The following RPS6KC1 variants were observed in gnomAD, a reference collection of about 807,000 sequenced individuals.
RPS6KC1 encodes inactive ribosomal protein S6 kinase delta-1.
Under a neutral mutation model 103.8 loss-of-function variants are expected in RPS6KC1, and 54 were observed. That is an observed-to-expected ratio of 0.52 (90% CI 0.42 to 0.65). The LOEUF (loss-of-function observed/expected upper bound fraction) is 0.65, where lower values mean the gene tolerates loss of function less well. Among genes scored for constraint, RPS6KC1 ranks in the 30% least tolerant of loss-of-function variants. RPS6KC1 has a pLI of 0.00. For missense variants in RPS6KC1, 1,151 were observed against 1,253.8 expected (o/e 0.92, Z 1.24); for synonymous variants, 439 against 438.7 (o/e 1.00, Z -0.01).
At chr1:213,560,747 C>T in the RPS6KC1 span, among the ~76,000 whole-genome samples, 1 of 152,120 alleles carries the variant, frequency 6.6e-6, no homozygotes, top group Non-Finnish European at 1.5e-5. Flanking sequence ...TGTAACTCCC[C>T]CCCACCAAAT....
At chr1:213,334,479 G>A in the RPS6KC1 span, among the ~76,000 whole-genome samples, 1 of 152,196 alleles carries the variant, frequency 6.6e-6, no homozygotes. Context: ...CAGCAACTCA[G>A]CTTTTCCTTA....
intron 12 of RPS6KC1, among the ~76,000 whole-genome samples, chr1:213,260,590 A>G (rs930782793): frequency 4.6e-5 from 7 of 151,980 alleles, no homozygotes; most frequent in Non-Finnish European, 7.4e-5. Context: ...CAACCTAACT[A>G]CTTATAAACT....
chr1:213,088,304 C>T lies in RPS6KC1; in HGVS notation c.262+10488C>T, dbSNP rs1261923688. Among the ~76,000 whole-genome samples the T allele has an allele frequency of 2.6e-5, 4 of 152,160 alleles. No individual in the cohort carries two copies. The East Asian group carries it at 7.7e-4, about 29-fold the overall frequency. On this transcript the variant is annotated intron_variant, in intron 3 of 14. Coordinates refer to ENST00000366960, the MANE Select transcript of RPS6KC1 (RefSeq NM_012424.6). ...TGTTCCTTCTTTGGGTATTCTCCCT[C>T]ACCCTAGGATATTCTTCAGAGTTCT...
intron 8 of RPS6KC1, among the ~76,000 whole-genome samples, chr1:213,206,142 T>C (rs894170617): frequency 2.6e-5 from 4 of 152,234 alleles, no homozygotes; most frequent in African/African-American, 9.6e-5. Flanking sequence ...AAGCACGGTT[T>C]CCTAACATTT....
At chr1:213,490,621 T>C in the RPS6KC1 span, among the ~76,000 whole-genome samples, 1 of 152,290 alleles carries the variant, frequency 6.6e-6, no homozygotes, top group East Asian at 1.9e-4. Flanking sequence ...AGGGGAGATG[T>C]GTTGGCTGTT....
At chr1:213,195,653 A>G (rs1179870827) in intron 8 of RPS6KC1, among the ~76,000 whole-genome samples, 1 of 152,054 alleles carries the variant, frequency 6.6e-6, no homozygotes, top group Non-Finnish European at 1.5e-5. Context: ...ATTATATCAT[A>G]CTTATACTGT....
chr1:213,562,475 C>T, the RPS6KC1 span, among the ~76,000 whole-genome samples: 98 of 145,768 alleles, frequency 6.7e-4, 2 homozygotes, highest in East Asian at 0.017. Context: ...CTGCAAGCTC[C>T]GCCTCCCGGG....
chr1:213,439,882 A>C, the RPS6KC1 span, among the ~76,000 whole-genome samples: 8 of 151,866 alleles, frequency 5.3e-5, no homozygotes, highest in South Asian at 6.2e-4. Flanking sequence ...AGAGAGAGAG[A>C]GCGAAAAGAT....
At chr1:213,572,531 A>G in the RPS6KC1 span, among the ~76,000 whole-genome samples, 2 of 152,220 alleles carry the variant, frequency 1.3e-5, no homozygotes, top group Non-Finnish European at 2.9e-5. Context: ...AATGAAACAC[A>G]TTTTAAAGTT....
the RPS6KC1 span, among the ~76,000 whole-genome samples, chr1:213,490,675 C>G: frequency 2.0e-5 from 3 of 152,150 alleles, no homozygotes; most frequent in African/African-American, 7.2e-5. Flanking sequence ...GGCTAGGATG[C>G]GTAGTTCAAG....
At chr1:213,058,776 A>G (rs1009857612) in intron 1 of RPS6KC1, among the ~76,000 whole-genome samples, 4 of 151,664 alleles carry the variant, frequency 2.6e-5, no homozygotes, top group African/African-American at 9.7e-5. Context: ...GAATCAGTTT[A>G]TCTATAGCTA....
chr1:213,193,563 CTTT>C (rs893122855), intron 8 of RPS6KC1, among the ~76,000 whole-genome samples: 4 of 151,724 alleles, frequency 2.6e-5, no homozygotes, highest in African/African-American at 9.7e-5. Context: ...TGCCTGGCCT[CTTT>C]GTTGATTTTC....
At chr1:213,078,362 T>G (rs991226181) in intron 3 of RPS6KC1, among the ~76,000 whole-genome samples, 1 of 152,018 alleles carries the variant, frequency 6.6e-6, no homozygotes, top group African/African-American at 2.4e-5. Context: ...GTATAGAATA[T>G]TCATGTTTTT....
chr1:213,717,255 A>G, the RPS6KC1 span, among the ~76,000 whole-genome samples: 49 of 152,356 alleles, frequency 3.2e-4, no homozygotes, highest in Non-Finnish European at 3.8e-4. Flanking sequence ...CGCATAATGG[A>G]ACCACATGGT....
chr1:213,507,349 A>C, the RPS6KC1 span, among the ~76,000 whole-genome samples: 1 of 152,086 alleles, frequency 6.6e-6, no homozygotes, highest in African/African-American at 2.4e-5. Context: ...GGGGGGCTGA[A>C]ATAGAGAGAC....
At chr1:213,556,150 G>A in the RPS6KC1 span, among the ~76,000 whole-genome samples, 2 of 152,240 alleles carry the variant, frequency 1.3e-5, no homozygotes, top group South Asian at 4.1e-4. Context: ...TAAATATTTT[G>A]TCCTTAGCCA....
the RPS6KC1 span, among the ~76,000 whole-genome samples, chr1:213,767,715 C>T: frequency 6.6e-6 from 1 of 152,134 alleles, no homozygotes; most frequent in African/African-American, 2.4e-5. Flanking sequence ...ACCATAAATG[C>T]TACTTAATTT....
the RPS6KC1 span, among the ~76,000 whole-genome samples, chr1:213,400,574 T>A: frequency 1.3e-5 from 2 of 151,942 alleles, no homozygotes; most frequent in Admixed American, 6.6e-5. Context: ...CCCAGAGAGG[T>A]CAGGTGACTT....
the RPS6KC1 span, among the ~76,000 whole-genome samples, chr1:213,645,510 A>G: frequency 6.6e-6 from 1 of 152,116 alleles, no homozygotes; most frequent in Non-Finnish European, 1.5e-5. Flanking sequence ...AAATTTAGCC[A>G]CTATTACCAT....
Sources: allele counts gnomAD v4.1 joint callset (sites outside exome capture counted in the v4.1 genomes callset), GRCh38; gene constraint gnomAD v4.1.1; transcripts MANE v1.5; gene names NCBI Gene and HGNC (gene_info 2026-07-23, HGNC 2026-07-21).